Variants in CXXC5 observed in about 807,000 individuals in gnomAD.
The protein encoded by CXXC5 is CXXC-type zinc finger protein 5.
In CXXC5, 2 loss-of-function variants were observed where a neutral mutation model predicts 17.6. The observed-to-expected ratio is 0.11, with a 90% CI of 0.05 to 0.36. CXXC5 has a LOEUF of 0.36. Among genes scored for constraint, CXXC5 ranks in the 10% least tolerant of loss-of-function variants. The probability of loss-of-function intolerance (pLI) is 1.00; values close to 1 mark genes in which losing one functional copy is unlikely to be tolerated. For missense variants in CXXC5, 343 were observed against 458.3 expected (o/e 0.75, Z 2.30); for synonymous variants, 171 against 193.0 (o/e 0.89, Z 0.94).
At position 139,680,746 on chromosome 5, in the gene CXXC5, C is replaced by T. The variant is rs1283965885; in HGVS notation, c.223C>T (p.Arg75Cys). The T allele has an allele frequency of 3.1e-6, 5 of 1,613,500 alleles. No individual in the cohort carries two copies. The highest frequency in any genetic ancestry group is 4.2e-6 in the Non-Finnish European group (5 of 1,180,024). Residue 75 changes from arginine (R) to cysteine (C), a missense_variant, in exon 2 of 3, where the codon CGC becomes TGC. Physicochemically the swap from Arg to Cys is radical, Grantham distance 180. This residue lies in a region of CXXC5 where 297 missense variants were observed against 363.4 expected (regional missense o/e 0.82). Coordinates refer to ENST00000302517, the MANE Select transcript of CXXC5 (RefSeq NM_016463.9). ...ISEPLNKSLRRSRPLSHYSSF... is the reference protein window; with the variant it reads ...ISEPLNKSLRCSRPLSHYSSF... ...TGAGCCCCTCAACAAGAGCCTGCGC[C>T]GCTCCCGCCCGCTCTCCCACTACTC...
At position 139,681,204 on chromosome 5, in the gene CXXC5, T is replaced by G; in HGVS notation, c.681T>G (p.Gly227=). The change falls in exon 2 of 3, where the codon GGT becomes GGG. Residue 227 remains glycine (G), a synonymous_variant. Transcript: ENST00000302517. ...GCCTCTTCATTATGACCCCGGCAGG[T>G]GTGTTCCTGGCCGAGAGCGCGCTGC... ...NPGLFIMTPA[G]VFLAESALHM... The G allele has an allele frequency of 6.2e-7, 1 of 1,612,778 alleles. No homozygotes were observed. Among genetic ancestry groups the G allele is most frequent in the African/African-American group, 1.3e-5 (1 of 75,034 alleles).
chr5:139,657,381 T>C (rs1755544853), intron 1 of CXXC5, among the ~76,000 whole-genome samples: 1 of 152,248 alleles, frequency 6.6e-6, no homozygotes, highest in Non-Finnish European at 1.5e-5. Flanking sequence ...CAGGCCTTGC[T>C]CTTTCCTCTT....
intron 1 of CXXC5, among the ~76,000 whole-genome samples, chr5:139,653,590 C>CCA (rs1755325190): frequency 6.6e-6 from 1 of 152,140 alleles, no homozygotes. Context: ...AGCTGGAACC[C>CCA]CACAGTCCTC....
In CXXC5 at chr5:139,668,259, A is replaced by C. The variant is rs1225959622; in HGVS notation, c.-160-12105A>C. ...ATTGCTGCGCCTGGTGGCACCGTGG[A>C]ATGAGGGGAGGCCAGCCTTCTCGGT... On this transcript the variant is annotated intron_variant, in intron 1 of 2. Coordinates refer to ENST00000302517, the MANE Select transcript of CXXC5 (RefSeq NM_016463.9). This position sits in a 1 kb window ranked among gnomAD's most constrained non-coding sequence, Gnocchi z 4.1. Among the ~76,000 whole-genome samples, 1 of 152,094 alleles carries C rather than the reference A, an allele frequency of 6.6e-6. No homozygotes were observed. Among genetic ancestry groups the C allele is most frequent in the East Asian group, 1.9e-4 (1 of 5,162 alleles).
chr5:139,673,322 CA>C, intron 1 of CXXC5, among the ~76,000 whole-genome samples: 1 of 152,006 alleles, frequency 6.6e-6, no homozygotes, highest in Non-Finnish European at 1.5e-5. Flanking sequence ...TTCCCAAGGT[CA>C]AAAAATGGGG....
intron 1 of CXXC5, among the ~76,000 whole-genome samples, chr5:139,653,044 T>G (rs1045275398): frequency 6.6e-6 from 1 of 152,158 alleles, no homozygotes; most frequent in Non-Finnish European, 1.5e-5. Context: ...TCTGGTTGTT[T>G]GAGGCCCTGA....
Position 139,648,764 on chromosome 5 carries a change from G to A in CXXC5, c.-242G>A, listed in dbSNP as rs568566996. The A allele has an allele frequency of 1.2e-4, 18 of 152,126 alleles. No individual in the cohort carries two copies. Among genetic ancestry groups the A allele is most frequent in the Middle Eastern group, 3.4e-3 (1 of 294 alleles). 9.4% of individuals were successfully genotyped at this position (152,126 alleles called of 1,614,324 possible). On this transcript the variant is annotated 5_prime_UTR_variant, in exon 1 of 3. Coordinates refer to ENST00000302517, the MANE Select transcript of CXXC5 (RefSeq NM_016463.9). ...GCACCGCGGCGGTGGTGCCCAGAGCGGAGCGCAGCTCCCTGCCCCGCCCCT... is the reference window on the plus strand; with the variant it reads ...GCACCGCGGCGGTGGTGCCCAGAGCAGAGCGCAGCTCCCTGCCCCGCCCCT...
chr5:139,652,842 TTGTGTGTATC>T (rs1755283840), intron 1 of CXXC5, among the ~76,000 whole-genome samples: 1 of 152,124 alleles, frequency 6.6e-6, no homozygotes, highest in Admixed American at 6.5e-5. Flanking sequence ...GATTTGTGAT[TTGTGTGTATC>T]TGTGTGCTTT....
At chr5:139,666,354 C>T (rs926927074) in intron 1 of CXXC5, among the ~76,000 whole-genome samples, 1 of 152,194 alleles carries the variant, frequency 6.6e-6, no homozygotes, top group Non-Finnish European at 1.5e-5. Context: ...GGAGCTTCCC[C>T]TACTACCCCA....
chr5:139,660,440 A>C (rs1755733030), intron 1 of CXXC5, among the ~76,000 whole-genome samples: 1 of 152,188 alleles, frequency 6.6e-6, no homozygotes, highest in Non-Finnish European at 1.5e-5. Flanking sequence ...AACAGGCAGG[A>C]TGCAGGGGCC....
At chr5:139,671,213 T>C (rs956899629) in intron 1 of CXXC5, among the ~76,000 whole-genome samples, 6 of 152,014 alleles carry the variant, frequency 3.9e-5, no homozygotes, top group African/African-American at 1.4e-4. Context: ...GTTCCAGGTG[T>C]GTCATGATGG....
At chr5:139,660,997 G>C (rs969410521) in intron 1 of CXXC5, among the ~76,000 whole-genome samples, 1 of 152,136 alleles carries the variant, frequency 6.6e-6, no homozygotes, top group Non-Finnish European at 1.5e-5. Context: ...CGATGAAACA[G>C]GAACCCCGGA....
chr5:139,658,134 A>C lies in CXXC5; in HGVS notation c.-161+9289A>C, dbSNP rs1581574773. ...CTCCTGCCTGACCCACCTCCCCCAG[A>C]ACTAGATGGGAAATTAGTTAACTGG... On this transcript the variant is annotated intron_variant, in intron 1 of 2. Transcript: ENST00000302517. The surrounding 1 kb of genome is among the most constrained non-coding windows in gnomAD (Gnocchi z 4.1). Among the ~76,000 whole-genome samples the C allele has an allele frequency of 6.6e-6, 1 of 152,182 alleles. No homozygotes were observed. The highest frequency in any genetic ancestry group is 1.5e-5 in the Non-Finnish European group (1 of 67,988).
At chr5:139,677,724 T>C (rs1452336133) in intron 1 of CXXC5, among the ~76,000 whole-genome samples, 5 of 152,124 alleles carry the variant, frequency 3.3e-5, no homozygotes, top group Non-Finnish European at 7.4e-5. Context: ...GGGTGGGCCC[T>C]GAAGAAGGAT....
intron 1 of CXXC5, among the ~76,000 whole-genome samples, chr5:139,652,154 G>A (rs1318587221): frequency 2.7e-5 from 2 of 73,630 alleles, no homozygotes; most frequent in African/African-American, 6.7e-5. Flanking sequence ...GCCGGCGCGC[G>A]CGCGCGCGCG....
At chr5:139,669,612 C>T (rs1178568294) in intron 1 of CXXC5, among the ~76,000 whole-genome samples, 2 of 152,146 alleles carry the variant, frequency 1.3e-5, no homozygotes, top group East Asian at 3.9e-4. Context: ...TGGCCACACT[C>T]ATTTCATGGA....
rs1757350896 is a variant in CXXC5 at position 139,683,107 on chromosome 5, G to GA, written c.*207dup. On this transcript the variant is annotated 3_prime_UTR_variant, in exon 3 of 3. Coordinates refer to ENST00000302517, the MANE Select transcript of CXXC5 (RefSeq NM_016463.9). ...CACGTCCCTAGCATAAAAAGAAAAA[G>GA]AAAAAAATTTAAACTGCTTTTTCGG... The GA allele has an allele frequency of 9.4e-6, 4 of 426,486 alleles. No homozygotes were observed. The highest frequency in any genetic ancestry group is 1.6e-5 in the Non-Finnish European group (4 of 252,418). 26.4% of individuals were successfully genotyped at this position (426,486 alleles called of 1,614,324 possible). A position where few individuals can be genotyped will look rare whatever the true frequency, so the allele number is the denominator to read the frequency against.
At chr5:139,681,571 C>A in intron 2 of CXXC5, 124 bp downstream of exon 2, 1 of 1,216,242 alleles carries the variant, frequency 8.2e-7, no homozygotes, top group Non-Finnish European at 1.1e-6. Context: ...CCCTCCCAGT[C>A]CTTGGGGCCT....
At chr5:139,672,851 C>T (rs1041505258) in intron 1 of CXXC5, among the ~76,000 whole-genome samples, 2 of 152,192 alleles carry the variant, frequency 1.3e-5, no homozygotes, top group African/African-American at 4.8e-5. Context: ...CCTCAGGCCT[C>T]CAGTTCCCTA....
Sources: allele counts gnomAD v4.1 joint callset (sites outside exome capture counted in the v4.1 genomes callset), GRCh38; gene constraint gnomAD v4.1.1; regional missense constraint gnomAD v4.1.1; non-coding constraint Gnocchi (gnomAD v3.1); transcripts MANE v1.5; gene names NCBI Gene and HGNC (gene_info 2026-07-23, HGNC 2026-07-21).